MNS1: variants seen among roughly 807,000 people sequenced by gnomAD.
The protein encoded by MNS1 is meiosis-specific nuclear structural protein 1.
A neutral mutation model predicts 72.0 loss-of-function variants in MNS1; 63 were observed. That is an observed-to-expected ratio of 0.87 (90% CI 0.71 to 1.08). MNS1 has a LOEUF of 1.08. Among genes scored for constraint, MNS1 ranks in the 50% least tolerant of loss-of-function variants. The pLI is 0.00. For synonymous variants in MNS1, 188 were observed against 172.1 expected (o/e 1.09, Z -0.72); for missense variants, 604 against 562.4 (o/e 1.07, Z -0.75).
At chr15:56,456,263 A>G in intron 3 of MNS1, 131 bp downstream of exon 3, 1 of 753,822 alleles carries the variant, frequency 1.3e-6, no homozygotes, top group East Asian at 3.1e-5. Context: ...TTAAAGCAAT[A>G]AGTATTTCCA....
intron 3 of MNS1, among the ~76,000 whole-genome samples, chr15:56,453,500 A>C (rs2050961658): frequency 6.6e-6 from 1 of 152,198 alleles, no homozygotes; most frequent in African/African-American, 2.4e-5. Context: ...TAATGGTAAT[A>C]GTATTAAGAA....
chr15:56,458,316 C>G (rs1230600166), intron 2 of MNS1, among the ~76,000 whole-genome samples: 2 of 152,102 alleles, frequency 1.3e-5, no homozygotes, highest in Non-Finnish European at 2.9e-5. Context: ...GTTTTGGGTT[C>G]ACAACAAAAT....
At chr15:56,460,241 C>T (rs1262354998) in intron 2 of MNS1, among the ~76,000 whole-genome samples, 3 of 151,486 alleles carry the variant, frequency 2.0e-5, no homozygotes, top group African/African-American at 7.3e-5. Context: ...TTCCAAGGAA[C>T]ATTCCATGAG....
At chr15:56,438,826 C>A (rs137994063) in intron 7 of MNS1, among the ~76,000 whole-genome samples, 1 of 152,040 alleles carries the variant, frequency 6.6e-6, no homozygotes, top group Non-Finnish European at 1.5e-5. Flanking sequence ...AAAAAGTGGG[C>A]GAAGGATATG....
chr15:56,433,502 T>G (rs1325945912), intron 8 of MNS1, among the ~76,000 whole-genome samples: 1 of 152,134 alleles, frequency 6.6e-6, no homozygotes. Flanking sequence ...ACCCTAGATC[T>G]CACTGGTCAC....
chr15:56,464,323 CT>C, intron 1 of MNS1, 76 bp from the exon 2 acceptor site: 1 of 1,082,246 alleles, frequency 9.2e-7, no homozygotes, highest in Non-Finnish European at 1.3e-6. Context: ...TGATATAAAC[CT>C]TAGTAAGAAA....
intron 3 of MNS1, among the ~76,000 whole-genome samples, chr15:56,449,684 C>A (rs745761400): frequency 1.2e-4 from 18 of 152,196 alleles, no homozygotes; most frequent in African/African-American, 3.9e-4. Context: ...ATTCACCTAG[C>A]CCTGTAGGTT....
At chr15:56,437,097 AT>A (rs1237107222) in intron 7 of MNS1, among the ~76,000 whole-genome samples, 1 of 152,202 alleles carries the variant, frequency 6.6e-6, no homozygotes, top group Non-Finnish European at 1.5e-5. Context: ...TCCCTAACTC[AT>A]TTTATGAGGC....
chr15:56,458,676 C>T lies in MNS1; in HGVS notation c.226-2155G>A, dbSNP rs1365875043. Among the ~76,000 whole-genome samples the T allele has an allele frequency of 2.6e-5, 4 of 152,116 alleles. No homozygotes were observed. In the East Asian group the frequency reaches 7.7e-4, roughly 29 times the overall value. ...ACTGTTTCCATAGTTTTGCCTTTCC[C>T]AGAATGTCACATAGTCGGAATTATA... is the stretch of plus-strand genomic sequence containing the variant. On this transcript the variant is annotated intron_variant, in intron 2 of 9. Transcript: ENST00000260453.
At position 56,434,201 on chromosome 15, in the gene MNS1, C is replaced by T. The variant is rs1284296196; in HGVS notation, c.1206G>A (p.Leu402=). ...GTTTTTCCACAGCCCTCCTGTGTTC[C>T]AGCTGCTTCATTCTTTGTTTCTGAG... ...MNAQKQRMKQ[L]EHRRAVEKLI... Residue 402 remains leucine (L), a synonymous_variant, in exon 8 of 10, where the codon CTG becomes CTA. Coordinates refer to ENST00000260453, the MANE Select transcript of MNS1 (RefSeq NM_018365.4). 6.2e-7 allele frequency: 1 copy of T among 1,613,778 alleles called. No individual in the cohort carries two copies. The highest frequency in any genetic ancestry group is 8.5e-7 in the Non-Finnish European group (1 of 1,179,900).
At chr15:56,457,845 A>C (rs2050991055) in intron 2 of MNS1, among the ~76,000 whole-genome samples, 2 of 151,982 alleles carry the variant, frequency 1.3e-5, no homozygotes, top group Non-Finnish European at 2.9e-5. Flanking sequence ...TGCAATTATC[A>C]CACAACTCAA....
intron 4 of MNS1, among the ~76,000 whole-genome samples, chr15:56,445,401 G>A (rs2050889890): frequency 1.3e-5 from 2 of 151,912 alleles, no homozygotes; most frequent in East Asian, 1.9e-4. Flanking sequence ...TTTAAACTAC[G>A]CTTTACTTTT....
chr15:56,429,469 G>A (rs2050498063), intron 9 of MNS1: 1 of 302,828 alleles, frequency 3.3e-6, no homozygotes, highest in Non-Finnish European at 6.0e-6. Flanking sequence ...CTACTGCTTG[G>A]ATTACCTAGA....
intron 2 of MNS1, among the ~76,000 whole-genome samples, chr15:56,463,523 C>T (rs1459601051): frequency 6.6e-6 from 1 of 152,048 alleles, no homozygotes; most frequent in East Asian, 1.9e-4. Context: ...GTGGCTCACC[C>T]CTATAATCCC....
At chr15:56,449,040 CCACCA>C (rs2050928827) in intron 3 of MNS1, among the ~76,000 whole-genome samples, 1 of 152,170 alleles carries the variant, frequency 6.6e-6, no homozygotes, top group African/African-American at 2.4e-5. Context: ...GAGGCATGAG[CCACCA>C]CACCCGGCTA....
At position 56,444,530 on chromosome 15, in the gene MNS1, T is replaced by C; in HGVS notation, c.600A>G (p.Lys200=). The C allele has an allele frequency of 6.2e-7, 1 of 1,612,756 alleles. No homozygotes were observed. The highest frequency in any genetic ancestry group is 8.5e-7 in the Non-Finnish European group (1 of 1,179,522). ...GCTGCTCATAAGCTTCCTGCTTTTTTTTTTCTTGTTCTTCAAGTTGTTTCT... is the reference window on the plus strand; with the variant it reads ...GCTGCTCATAAGCTTCCTGCTTTTTCTTTTCTTGTTCTTCAAGTTGTTTCT... The part of the protein sequence containing the change: ...DLEKQLEEQE[K]KKQEAYEQLL... The change falls in exon 5 of 10, where the codon AAA becomes AAG. Residue 200 remains lysine (K), a synonymous_variant. Transcript: ENST00000260453.
chr15:56,446,882 C>G lies in MNS1; in HGVS notation c.415G>C (p.Ala139Pro), dbSNP rs1459301396. 1 of 1,610,688 alleles carries G rather than the reference C, an allele frequency of 6.2e-7. No homozygotes were observed. The highest frequency in any genetic ancestry group is 8.5e-7 in the Non-Finnish European group (1 of 1,179,070). ...KAAYMNKERA[A>P]QIAEKDAIKY... ...ATGGCATCCTTTTCAGCAATCTGAG[C>G]TGCCCTTTCTTTATTCATGTAAGCT... Residue 139 changes from alanine to proline, a missense_variant, in exon 4 of 10, where the codon GCT becomes CCT. Coordinates refer to ENST00000260453, the MANE Select transcript of MNS1 (RefSeq NM_018365.4).
chr15:56,449,535 TGA>T (rs879753700), intron 3 of MNS1, among the ~76,000 whole-genome samples: 3 of 152,218 alleles, frequency 2.0e-5, no homozygotes, highest in Non-Finnish European at 4.4e-5. Context: ...GCTAAATTCA[TGA>T]GAGAGATTAG....
intron 6 of MNS1, 41 bp from the exon 7 acceptor site, chr15:56,443,578 AAATTCTGTAACT>A: frequency 5.7e-6 from 9 of 1,584,412 alleles, no homozygotes; most frequent in Non-Finnish European, 7.7e-6. Flanking sequence ...TATAGGATCC[AAATTCTGTAACT>A]AATATTTCAG....
Sources: gnomAD v4.1 joint callset for allele counts (sites outside exome capture counted in the v4.1 genomes callset) on GRCh38, gnomAD v4.1.1 for gene constraint, MANE v1.5 for transcripts, NCBI Gene and HGNC (gene_info 2026-07-23, HGNC 2026-07-21) for gene names.